The following RBAK variants were observed in gnomAD, a reference collection of about 807,000 sequenced individuals.
RBAK encodes the protein RB-associated KRAB zinc finger protein.
RBAK carries 39 observed loss-of-function variants against 65.8 expected under a neutral mutation model. That is an observed-to-expected ratio of 0.59 (90% CI 0.46 to 0.77). RBAK has a LOEUF of 0.77. Among genes scored for constraint, RBAK ranks in the 30% least tolerant of loss-of-function variants. The pLI, the probability that RBAK is intolerant of heterozygous loss-of-function variation, is 0.00. For synonymous variants in RBAK, 343 were observed against 289.7 expected (o/e 1.18, Z -1.87); for missense variants, 884 against 855.1 (o/e 1.03, Z -0.42).
chr7:5,049,194 C>G (rs920028063), intron 2 of RBAK, among the ~76,000 whole-genome samples: 6 of 152,120 alleles, frequency 3.9e-5, no homozygotes, highest in African/African-American at 1.4e-4. Context: ...ATTAAGTTAC[C>G]ATAACTTATG....
chr7:5,048,217 G>C lies in RBAK; in HGVS notation c.15+126G>C, dbSNP rs1453987905. 7.3e-7 allele frequency: 1 copy of C among 1,377,260 alleles called. No homozygotes were observed. The highest frequency in any genetic ancestry group is 1.5e-5 in the African/African-American group (1 of 67,100). The allele number at this position is 1,377,260 out of a possible 1,614,324, so 85.3% of individuals were successfully genotyped here. A position where few individuals can be genotyped will look rare whatever the true frequency, so the allele number is the denominator to read the frequency against. On this transcript the variant is annotated intron_variant, in intron 2 of 4. Coordinates refer to ENST00000396912, the MANE Select transcript of RBAK (RefSeq NM_021163.4). This position sits in a 1 kb window ranked among gnomAD's most constrained non-coding sequence, Gnocchi z 4.4. Reference sequence around the variant, plus strand: ...AGATGGAGTCTTGCTCTGTTGCCCAGGCTGGAGTGCAGTGGCATGATCTCG... The same window carrying C: ...AGATGGAGTCTTGCTCTGTTGCCCACGCTGGAGTGCAGTGGCATGATCTCG...
chr7:5,058,960 T>C (rs1411038622), intron 4 of RBAK, among the ~76,000 whole-genome samples: 1 of 152,244 alleles, frequency 6.6e-6, no homozygotes, highest in Non-Finnish European at 1.5e-5. Context: ...ATATTTTACT[T>C]GACAACATAG....
intron 1 of RBAK, among the ~76,000 whole-genome samples, chr7:5,047,237 A>G (rs1788008989): frequency 6.6e-6 from 1 of 152,112 alleles, no homozygotes. Flanking sequence ...CTGACTCTAC[A>G]AAAAATACAA....
At chr7:5,053,607 C>T (rs1418380109) in intron 2 of RBAK, among the ~76,000 whole-genome samples, 1 of 152,128 alleles carries the variant, frequency 6.6e-6, no homozygotes, top group Non-Finnish European at 1.5e-5. Context: ...GTATATTAGG[C>T]CACTTGAAAT....
rs751005305 is a variant in RBAK at position 5,063,908 on chromosome 7, TTAG to T, written c.457_459del (p.Ser153del). On this transcript the variant is annotated inframe_deletion, in exon 5 of 5. Transcript: ENST00000396912. ...AATTTAGAATCTATTTCGCAATTAA[TTAG>T]TAGTGATGGAAGCTATGCTAGGACA... 2.5e-6 allele frequency: 4 copies of T among 1,613,994 alleles called. No homozygotes were observed. Among genetic ancestry groups the T allele is most frequent in the Non-Finnish European group, 2.5e-6 (3 of 1,179,928 alleles).
At position 5,066,164 on chromosome 7, in the gene RBAK, G is replaced by C. The variant is rs1344609250; in HGVS notation, c.*563G>C. On this transcript the variant is annotated 3_prime_UTR_variant, in exon 5 of 5. Transcript: ENST00000396912. ...GGTAATTCTATGCAAGTTTGGAATT[G>C]GATGACTTGTGAAGAGGCAGTTTTC... 6.6e-6 allele frequency: 1 copy of C among 152,152 alleles called. No homozygotes were observed. Among genetic ancestry groups the C allele is most frequent in the African/African-American group, 2.4e-5 (1 of 41,358 alleles). The allele number at this position is 152,152 out of a possible 1,614,324, so 9.4% of individuals were successfully genotyped here.
At position 5,063,784 on chromosome 7, in the gene RBAK, C is replaced by G. The variant is rs375554027; in HGVS notation, c.328C>G (p.Leu110Val). 10 of 1,613,892 alleles carry G rather than the reference C, an allele frequency of 6.2e-6. No individual in the cohort carries two copies. Among genetic ancestry groups the G allele is most frequent in the African/African-American group, 5.3e-5 (4 of 75,038 alleles). Reference protein sequence around the residue: ...RQAACINSKTLTEEKENTFSQ... With the variant: ...RQAACINSKTVTEEKENTFSQ... ...AGCTGCTTGTATCAATAGCAAAACC[C>G]TGACTGAAGAGAAAGAGAATACATT... Residue 110 changes from leucine to valine, a missense_variant, in exon 5 of 5, where the codon CTG (leucine) becomes GTG (valine). Coordinates refer to ENST00000396912, the MANE Select transcript of RBAK (RefSeq NM_021163.4).
At chr7:5,047,379 G>A (rs1347733101) in intron 1 of RBAK, among the ~76,000 whole-genome samples, 1 of 152,090 alleles carries the variant, frequency 6.6e-6, no homozygotes, top group Non-Finnish European at 1.5e-5. Context: ...AGCCTGGGTG[G>A]CAGATTGAGA....
intron 2 of RBAK, among the ~76,000 whole-genome samples, chr7:5,051,583 G>A (rs1030929540): frequency 2.0e-5 from 3 of 151,988 alleles, no homozygotes; most frequent in African/African-American, 7.3e-5. Context: ...TTAATTTTTG[G>A]TAGAAGATTC....
chr7:5,050,636 G>T (rs55661236), intron 2 of RBAK, among the ~76,000 whole-genome samples: 1 of 151,954 alleles, frequency 6.6e-6, no homozygotes. Flanking sequence ...CCAGGCTGTC[G>T]TGTTTACGGC....
chr7:5,053,879 G>T (rs1047195809), intron 2 of RBAK, among the ~76,000 whole-genome samples: 1 of 152,094 alleles, frequency 6.6e-6, no homozygotes, highest in Non-Finnish European at 1.5e-5. Flanking sequence ...CTCTGTGTGG[G>T]TTGTAAACTC....
At position 5,046,682 on chromosome 7, in the gene RBAK, A is replaced by G. The variant is rs180837916; in HGVS notation, c.-45+286A>G. ...CTTCCTCCTCCTTTCCGTGCTCCAG[A>G]TTTCGACCTCCTCTAAACGTCCGTC... is the stretch of plus-strand genomic sequence containing the variant. On this transcript the variant is annotated intron_variant, in intron 1 of 4. Coordinates refer to ENST00000396912, the MANE Select transcript of RBAK (RefSeq NM_021163.4). Among the ~76,000 whole-genome samples, 12 of 152,194 alleles carry G rather than the reference A, an allele frequency of 7.9e-5. No homozygotes were observed. The East Asian group carries it at 2.3e-3, about 29-fold the overall frequency.
intron 1 of RBAK, 102 bp downstream of exon 1, chr7:5,046,498 T>A: frequency 5.1e-6 from 2 of 395,476 alleles, no homozygotes; most frequent in Non-Finnish European, 9.8e-6. Flanking sequence ...CTCGATCGCT[T>A]GCAGGAGAGA....
At chr7:5,049,924 A>G (rs1293253657) in intron 2 of RBAK, among the ~76,000 whole-genome samples, 1 of 152,050 alleles carries the variant, frequency 6.6e-6, no homozygotes, top group Non-Finnish European at 1.5e-5. Flanking sequence ...TCACCATGTC[A>G]CCCAGGCTGG....
At chr7:5,050,318 A>G (rs1788088272) in intron 2 of RBAK, among the ~76,000 whole-genome samples, 1 of 152,248 alleles carries the variant, frequency 6.6e-6, no homozygotes, top group Non-Finnish European at 1.5e-5. Flanking sequence ...CCTTTAGCAC[A>G]TTTAAAAAAT....
chr7:5,058,533 A>G (rs1210560888), intron 4 of RBAK, among the ~76,000 whole-genome samples: 5 of 152,168 alleles, frequency 3.3e-5, no homozygotes, highest in African/African-American at 1.2e-4. Flanking sequence ...TTAGGCATTC[A>G]GATACCAAAA....
chr7:5,045,901 C>A lies in RBAK; in HGVS notation c.-540C>A. On this transcript the variant is annotated 5_prime_UTR_variant, in exon 1 of 5. Coordinates refer to ENST00000396912, the MANE Select transcript of RBAK (RefSeq NM_021163.4). ...GTGCGTCCTCAGGTCACCGCTTGCT[C>A]TAGTTCCCAGGCTTTGGCCTCCAGT... The A allele has an allele frequency of 2.9e-6, 1 of 348,560 alleles. No individual in the cohort carries two copies. Among genetic ancestry groups the A allele is most frequent in the Non-Finnish European group, 5.5e-6 (1 of 183,172 alleles). The allele number at this position is 348,560 out of a possible 1,614,324, so 21.6% of individuals were successfully genotyped here. A position where few individuals can be genotyped will look rare whatever the true frequency, so the allele number is the denominator to read the frequency against.
At chr7:5,056,335 C>T (rs935341225) in intron 2 of RBAK, among the ~76,000 whole-genome samples, 1 of 151,574 alleles carries the variant, frequency 6.6e-6, no homozygotes, top group African/African-American at 2.4e-5. Context: ...CCAAGCTGGT[C>T]TCGAACTCCT....
chr7:5,061,633 C>T (rs1355652416), intron 4 of RBAK, among the ~76,000 whole-genome samples: 3 of 150,638 alleles, frequency 2.0e-5, no homozygotes, highest in Non-Finnish European at 3.0e-5. Context: ...CACGGTGGCT[C>T]GTGTTTGTAA....
Sources: allele counts gnomAD v4.1 joint callset (sites outside exome capture counted in the v4.1 genomes callset), GRCh38; gene constraint gnomAD v4.1.1; non-coding constraint Gnocchi (gnomAD v3.1); transcripts MANE v1.5; gene names NCBI Gene and HGNC (gene_info 2026-07-23, HGNC 2026-07-21).